CDH13: variants seen among roughly 807,000 people sequenced by gnomAD.
CDH13 encodes the protein cadherin 13, also known as cadherin-13.
A neutral mutation model predicts 63.8 loss-of-function variants in CDH13; 24 were observed. That is an observed-to-expected ratio of 0.38 (90% CI 0.27 to 0.53). CDH13 has a LOEUF of 0.53. Among genes scored for constraint, CDH13 ranks in the 20% least tolerant of loss-of-function variants. The pLI is 0.85. For synonymous variants in CDH13, 503 were observed against 355.3 expected, an observed-to-expected ratio of 1.42 and a Z score of -4.67; for missense variants, 1,049 against 903.1, an observed-to-expected ratio of 1.16 and a Z score of -2.07.
chr16:83,448,240 T>TAA (rs1281726099), intron 6 of CDH13, among the ~76,000 whole-genome samples: 2 of 152,064 alleles, frequency 1.3e-5, no homozygotes, highest in Non-Finnish European at 2.9e-5. Context: ...CACTGATATG[T>TAA]AAAGAAATCA....
intron 10 of CDH13, chr16:83,728,895 A>G (rs379651): frequency 0.8 from 122,322 of 152,974 alleles, 49,486 homozygotes; most frequent in African/African-American, 0.89. Context: ...GTCCAAGATC[A>G]TGGTTCTAGC....
rs143222906 is a variant in CDH13 at position 82,682,890 on chromosome 16, G to A, written c.45+55753G>A. Among the ~76,000 whole-genome samples, 1,001 of 152,238 alleles carry A rather than the reference G, an allele frequency of 6.6e-3. 4 individuals are homozygous for A. Among genetic ancestry groups the A allele is most frequent in the Non-Finnish European group, 0.011 (767 of 68,022 alleles). ...ACCCAGCCACAGTTAGGAATTAAGG[G>A]AGCAGAAAACACACAGCCATTGCCC... On this transcript the variant is annotated intron_variant, in intron 1 of 13. Coordinates refer to ENST00000567109, the MANE Select transcript of CDH13 (RefSeq NM_001257.5).
intron 1 of CDH13, chr16:82,727,837 C>T (rs904241423): frequency 1.3e-5 from 2 of 152,200 alleles, no homozygotes; most frequent in Non-Finnish European, 2.9e-5. Flanking sequence ...AGCAGACCCA[C>T]TCCACCCATC....
At chr16:83,225,625 C>G (rs1229604491) in intron 5 of CDH13, among the ~76,000 whole-genome samples, 1 of 152,126 alleles carries the variant, frequency 6.6e-6, no homozygotes, top group Non-Finnish European at 1.5e-5. Flanking sequence ...AGATCTGTGA[C>G]CTTGAACAAA....
chr16:83,282,608 A>C (rs1023970287), intron 5 of CDH13, among the ~76,000 whole-genome samples: 7 of 152,230 alleles, frequency 4.6e-5, no homozygotes, highest in Admixed American at 4.6e-4. Context: ...TGCAACATAC[A>C]TGCCAGACAG....
At chr16:82,718,198 C>G (rs1368797583) in intron 1 of CDH13, among the ~76,000 whole-genome samples, 2 of 152,206 alleles carry the variant, frequency 1.3e-5, no homozygotes, top group Non-Finnish European at 2.9e-5. Context: ...CCACTGGGGA[C>G]TCTGGGAGAC....
At chr16:83,490,443 T>C (rs1159099043) in intron 7 of CDH13, among the ~76,000 whole-genome samples, 1 of 152,188 alleles carries the variant, frequency 6.6e-6, no homozygotes, top group African/African-American at 2.4e-5. Context: ...TTGGTTGTTA[T>C]CCTTTCTTCT....
intron 2 of CDH13, among the ~76,000 whole-genome samples, chr16:82,910,424 C>T (rs1197767122): frequency 6.6e-6 from 1 of 152,152 alleles, no homozygotes; most frequent in Non-Finnish European, 1.5e-5. Flanking sequence ...TACCTTTTGT[C>T]CCTAGGCTCC....
At chr16:83,559,463 C>G (rs2075661016) in intron 7 of CDH13, among the ~76,000 whole-genome samples, 1 of 151,994 alleles carries the variant, frequency 6.6e-6, no homozygotes, top group Non-Finnish European at 1.5e-5. Flanking sequence ...CCCAGCTACT[C>G]TGGAGGCTGA....
At chr16:83,366,573 G>T (rs529055154) in intron 6 of CDH13, among the ~76,000 whole-genome samples, 1 of 152,178 alleles carries the variant, frequency 6.6e-6, no homozygotes, top group South Asian at 2.1e-4. Context: ...CTGCGATTGG[G>T]ATAAGCTACC....
chr16:82,744,129 C>T (rs2034055622), intron 1 of CDH13, among the ~76,000 whole-genome samples: 1 of 152,160 alleles, frequency 6.6e-6, no homozygotes, highest in Non-Finnish European at 1.5e-5. Flanking sequence ...TTGATCAGGC[C>T]CATTTCCACC....
At chr16:83,755,370 G>A (rs1913421706) in intron 11 of CDH13, among the ~76,000 whole-genome samples, 1 of 151,892 alleles carries the variant, frequency 6.6e-6, no homozygotes, top group South Asian at 2.1e-4. Flanking sequence ...AGTGCTAATG[G>A]AGCAGAAAAA....
At chr16:83,657,350 G>T (rs1227185737) in intron 8 of CDH13, among the ~76,000 whole-genome samples, 1 of 152,156 alleles carries the variant, frequency 6.6e-6, no homozygotes, top group Non-Finnish European at 1.5e-5. Flanking sequence ...CCCATAGACC[G>T]TCAAGAAGAC....
At chr16:83,200,428 C>T (rs7198168) in intron 4 of CDH13, among the ~76,000 whole-genome samples, 7,350 of 152,216 alleles carry the variant, frequency 0.048, 225 homozygotes, top group African/African-American at 0.086. Flanking sequence ...AAGCATTCAA[C>T]CACTTACTGG....
At chr16:83,448,905 G>A (rs1016059857) in intron 6 of CDH13, among the ~76,000 whole-genome samples, 6 of 152,142 alleles carry the variant, frequency 3.9e-5, no homozygotes, top group African/African-American at 7.2e-5. Context: ...GATGACTTTC[G>A]AAAGAGCAGC....
At chr16:83,039,994 C>T (rs562233922) in intron 3 of CDH13, among the ~76,000 whole-genome samples, 2 of 151,894 alleles carry the variant, frequency 1.3e-5, no homozygotes, top group Admixed American at 6.6e-5. Context: ...GCCTGGCTCT[C>T]TCTACTCATA....
intron 2 of CDH13, among the ~76,000 whole-genome samples, chr16:82,961,517 T>A (rs1477885601): frequency 6.8e-6 from 1 of 148,108 alleles, no homozygotes; most frequent in East Asian, 2.0e-4. Flanking sequence ...ATGAAGCCCC[T>A]ACTGTCTTTA....
chr16:82,905,574 T>C (rs576621725), intron 2 of CDH13, among the ~76,000 whole-genome samples: 70 of 152,206 alleles, frequency 4.6e-4, no homozygotes, highest in African/African-American at 1.6e-3. Flanking sequence ...AGAAACCACA[T>C]TTTCCTTAAC....
Position 83,645,770 on chromosome 16 carries a change from G to A in CDH13, c.1102-25020G>A, listed in dbSNP as rs78074353. Among the ~76,000 whole-genome samples, 38 of 152,084 alleles carry A rather than the reference G, an allele frequency of 2.5e-4. No homozygotes were observed. In the East Asian group the frequency reaches 2.5e-3, roughly 10 times the overall value. On this transcript the variant is annotated intron_variant, in intron 8 of 13. Transcript: ENST00000567109. ...TGGTAGAGCATAAGGGAAGGGGCAG[G>A]GAAAACAGGAGGAGAGGAGGCATCA... is the stretch of plus-strand genomic sequence containing the variant.
Sources: allele counts gnomAD v4.1 joint callset (sites outside exome capture counted in the v4.1 genomes callset), GRCh38; gene constraint gnomAD v4.1.1; transcripts MANE v1.5; gene names NCBI Gene and HGNC (gene_info 2026-07-23, HGNC 2026-07-21).